Variants in GAS7 observed in about 807,000 individuals in gnomAD.
GAS7 encodes growth arrest specific 7.
A neutral mutation model predicts 71.1 loss-of-function variants in GAS7; 28 were observed. That is an observed-to-expected ratio of 0.39 (90% CI 0.29 to 0.54). The LOEUF is 0.54. Among genes scored for constraint, GAS7 ranks in the 20% least tolerant of loss-of-function variants. The pLI is 0.62. For synonymous variants in GAS7, 258 were observed against 245.8 expected (o/e 1.05, Z -0.46); for missense variants, 436 against 627.8 (o/e 0.69, Z 3.27).
At chr17:10,084,157 G>A (rs1217447662) in intron 1 of GAS7, among the ~76,000 whole-genome samples, 1 of 152,052 alleles carries the variant, frequency 6.6e-6, no homozygotes, top group Admixed American at 6.6e-5. Context: ...AATAGAGCGA[G>A]ACTCCATCTC....
intron 5 of GAS7, among the ~76,000 whole-genome samples, chr17:9,951,144 A>T (rs1289069830): frequency 6.6e-6 from 1 of 152,270 alleles, no homozygotes; most frequent in East Asian, 1.9e-4. Flanking sequence ...GACGGGTTTC[A>T]AAAGTGCACA....
At chr17:10,011,730 A>C (rs2071780261) in intron 2 of GAS7, among the ~76,000 whole-genome samples, 1 of 152,172 alleles carries the variant, frequency 6.6e-6, no homozygotes, top group Non-Finnish European at 1.5e-5. Context: ...TAATCCCAGC[A>C]CTTTGGGAGG....
At chr17:10,045,047 A>G (rs1286811453) in intron 1 of GAS7, among the ~76,000 whole-genome samples, 16 of 151,690 alleles carry the variant, frequency 1.1e-4, no homozygotes, top group Non-Finnish European at 1.5e-4. Flanking sequence ...TCTCAAAAAA[A>G]AAAAAAAAAA....
intron 1 of GAS7, among the ~76,000 whole-genome samples, chr17:10,125,842 A>C (rs1184700382): frequency 6.6e-6 from 1 of 151,998 alleles, no homozygotes; most frequent in Non-Finnish European, 1.5e-5. Context: ...AAGCCCCTCC[A>C]CCCTGTGTTA....
At chr17:10,043,735 T>C (rs1399516433) in intron 1 of GAS7, among the ~76,000 whole-genome samples, 1 of 152,100 alleles carries the variant, frequency 6.6e-6, no homozygotes, top group Non-Finnish European at 1.5e-5. Flanking sequence ...GGCAGTCTGG[T>C]GAGTGAGAGC....
chr17:9,922,106 T>A (rs554074805), intron 11 of GAS7, among the ~76,000 whole-genome samples: 12 of 152,292 alleles, frequency 7.9e-5, no homozygotes, highest in African/African-American at 2.6e-4. Context: ...CAAGTTGTTA[T>A]GAGGAATAAA....
intron 1 of GAS7, among the ~76,000 whole-genome samples, chr17:10,171,457 G>A (rs544148317): frequency 2.6e-5 from 4 of 152,312 alleles, no homozygotes; most frequent in Middle Eastern, 3.4e-3. Flanking sequence ...CCCTTGAAGC[G>A]TCTCTGAAGT....
chr17:10,159,715 G>C (rs1483772881), intron 1 of GAS7, among the ~76,000 whole-genome samples: 4 of 151,946 alleles, frequency 2.6e-5, no homozygotes, highest in African/African-American at 9.7e-5. Context: ...TTCCGTGTCT[G>C]ACGTAGATGC....
At position 9,911,829 on chromosome 17, in the gene GAS7, C is replaced by T. The variant is rs1034010398; in HGVS notation, c.*5399G>A. 5 of 231,548 alleles carry T rather than the reference C, an allele frequency of 2.2e-5. No homozygotes were observed. Among genetic ancestry groups the T allele is most frequent in the Admixed American group, 5.7e-5 (1 of 17,694 alleles). 14.3% of individuals were successfully genotyped at this position (231,548 alleles called of 1,614,324 possible). On this transcript the variant is annotated 3_prime_UTR_variant, in exon 14 of 14. Transcript: ENST00000432992. The surrounding 1 kb of genome is among the most constrained non-coding windows in gnomAD (Gnocchi z 4.0). ...GCATAGAGAGGTACCCAACTGGTCT[C>T]GGGACTCACCTTTCACTGAGCAGGG...
intron 1 of GAS7, among the ~76,000 whole-genome samples, chr17:10,171,740 T>G (rs1256971713): frequency 6.6e-6 from 1 of 152,162 alleles, no homozygotes; most frequent in Admixed American, 6.5e-5. Flanking sequence ...AACCTCTGAT[T>G]GGTTGTGTGT....
chr17:10,048,814 T>G (rs922224075), intron 1 of GAS7, among the ~76,000 whole-genome samples: 1 of 152,206 alleles, frequency 6.6e-6, no homozygotes, highest in Non-Finnish European at 1.5e-5. Flanking sequence ...CATGGGGAAG[T>G]AATAATACAA....
chr17:10,183,844 GA>G (rs796270979), intron 1 of GAS7, among the ~76,000 whole-genome samples: 217 of 142,482 alleles, frequency 1.5e-3, no homozygotes, highest in African/African-American at 2.2e-3. Context: ...TCCGTCTCAG[GA>G]AAAAAAAAAA....
intron 1 of GAS7, among the ~76,000 whole-genome samples, chr17:10,067,795 G>A (rs183283150): frequency 1.3e-5 from 2 of 152,268 alleles, no homozygotes; most frequent in East Asian, 1.9e-4. Flanking sequence ...GGGCCTGATC[G>A]GAGACCATCA....
rs539169545 is a variant in GAS7 at position 10,127,467 on chromosome 17, T to C, written c.183+70741A>G. Among the ~76,000 whole-genome samples the C allele has an allele frequency of 1.1e-4, 17 of 152,294 alleles. No homozygotes were observed. The South Asian group carries it at 3.5e-3, about 32-fold the overall frequency. ...TGGAGGAGACCTGGGCTCAAGTTCC[T>C]GTGGGGAACGCTCCATTTTTCTTTG... On this transcript the variant is annotated intron_variant, in intron 1 of 13. Transcript: ENST00000432992.
rs2067970464 is a variant in GAS7 at position 9,925,577 on chromosome 17, C to T, written c.1037G>A (p.Arg346Gln). The T allele has an allele frequency of 2.5e-6, 4 of 1,614,062 alleles. No individual in the cohort carries two copies. The highest frequency in any genetic ancestry group is 1.3e-5 in the African/African-American group (1 of 74,936). Residue 346 changes from arginine (R) to glutamine (Q), a missense_variant, in exon 11 of 14, where the codon CGG becomes CAG. Arg to Gln is a conservative substitution (Grantham distance 43, BLOSUM62 1). Coordinates refer to ENST00000432992, the MANE Select transcript of GAS7 (RefSeq NM_201433.2). ...GGTCTTCATCTCCAGGTCTCTCTGC[C>T]GCTCTGTGAGGGCTTTCCGGGCCTG... is the stretch of plus-strand genomic sequence containing the variant. ...VEKARKALTE[R>Q]QRDLEMKTQQ...
chr17:10,024,656 C>T (rs1567551783), intron 1 of GAS7, among the ~76,000 whole-genome samples: 1 of 152,312 alleles, frequency 6.6e-6, no homozygotes, highest in African/African-American at 2.4e-5. Flanking sequence ...ATTGCAAGGA[C>T]AGGCTTCAGT....
chr17:10,031,364 ACAGGAAGTTCACCCATCAACCC>A (rs2072612617), intron 1 of GAS7, among the ~76,000 whole-genome samples: 1 of 152,260 alleles, frequency 6.6e-6, no homozygotes, highest in Non-Finnish European at 1.5e-5. Flanking sequence ...CAGCAAGGAT[ACAGGAAGTTCACCCATCAACCC>A]TCACAGGGAA....
intron 1 of GAS7, among the ~76,000 whole-genome samples, chr17:10,188,159 C>G (rs903761637): frequency 1.3e-5 from 2 of 152,014 alleles, no homozygotes; most frequent in Non-Finnish European, 1.5e-5. Context: ...AGGGGAATTA[C>G]TTGCACCCAG....
intron 2 of GAS7, among the ~76,000 whole-genome samples, chr17:10,004,761 C>G (rs1015488468): frequency 3.9e-5 from 6 of 152,150 alleles, no homozygotes; most frequent in Non-Finnish European, 8.8e-5. Flanking sequence ...CCTCTAATCC[C>G]AGCATTTTGG....
Sources: allele counts gnomAD v4.1 joint callset (sites outside exome capture counted in the v4.1 genomes callset), GRCh38; gene constraint gnomAD v4.1.1; non-coding constraint Gnocchi (gnomAD v3.1); transcripts MANE v1.5; gene names NCBI Gene and HGNC (gene_info 2026-07-23, HGNC 2026-07-21).